The following TRIP4 variants were observed in gnomAD, a reference collection of about 807,000 sequenced individuals.
The protein encoded by TRIP4 is thyroid hormone receptor interactor 4.
TRIP4 carries 54 observed loss-of-function variants against 81.8 expected under a neutral mutation model. That is an observed-to-expected ratio of 0.66 (90% CI 0.53 to 0.83). The LOEUF (loss-of-function observed/expected upper bound fraction) is 0.83, where lower values mean the gene tolerates loss of function less well. Among genes scored for constraint, TRIP4 ranks in the 40% least tolerant of loss-of-function variants. The pLI is 0.00. For missense variants in TRIP4, 662 were observed against 683.6 expected, an observed-to-expected ratio of 0.97 and a Z score of 0.35; for synonymous variants, 270 against 242.8, an observed-to-expected ratio of 1.11 and a Z score of -1.04.
chr15:64,389,739 CT>C (rs1222434727), intron 1 of TRIP4, among the ~76,000 whole-genome samples: 2 of 112,344 alleles, frequency 1.8e-5, no homozygotes, highest in Non-Finnish European at 3.4e-5. Context: ...GAGACAGATT[CT>C]GTTGCCCAGG....
intron 11 of TRIP4, among the ~76,000 whole-genome samples, chr15:64,427,849 G>A (rs1892182514): frequency 6.6e-6 from 1 of 152,066 alleles, no homozygotes; most frequent in South Asian, 2.1e-4. Flanking sequence ...TCCAGACCTA[G>A]GCAAAACCAT....
intron 6 of TRIP4, 50 bp from the exon 7 acceptor site, chr15:64,409,563 C>A: frequency 6.5e-7 from 1 of 1,542,470 alleles, no homozygotes; most frequent in African/African-American, 1.4e-5. Context: ...AATAATCGGT[C>A]CTTATTTGTC....
intron 5 of TRIP4, among the ~76,000 whole-genome samples, chr15:64,404,572 A>G (rs897964259): frequency 1.3e-5 from 2 of 152,070 alleles, no homozygotes; most frequent in Non-Finnish European, 2.9e-5. Context: ...TGGCCTCCCA[A>G]AATGCTGGGA....
At chr15:64,392,157 G>C (rs1900152383) in intron 1 of TRIP4, among the ~76,000 whole-genome samples, 1 of 151,160 alleles carries the variant, frequency 6.6e-6, no homozygotes, top group African/African-American at 2.4e-5. Flanking sequence ...AATTAGCCGG[G>C]TGTGGTTGTG....
At chr15:64,412,489 A>G (rs926883869) in intron 7 of TRIP4, among the ~76,000 whole-genome samples, 2 of 151,804 alleles carry the variant, frequency 1.3e-5, no homozygotes, top group Non-Finnish European at 2.9e-5. Flanking sequence ...TAATTATTAC[A>G]TCCCCTCATG....
intron 11 of TRIP4, among the ~76,000 whole-genome samples, chr15:64,426,265 T>G (rs1440613460): frequency 2.6e-5 from 4 of 152,178 alleles, no homozygotes; most frequent in African/African-American, 4.8e-5. Flanking sequence ...GCTATTGAAC[T>G]CATGATAGGC....
rs1225823532 is a variant in TRIP4 at position 64,455,249 on chromosome 15, A to G, written c.*185A>G. On this transcript the variant is annotated 3_prime_UTR_variant, in exon 13 of 13. Coordinates refer to ENST00000261884, the MANE Select transcript of TRIP4 (RefSeq NM_016213.5). The stretch of plus-strand genomic sequence containing the variant: ...AGGAGTGGGATTCCTACTTTATGTA[A>G]TGGGGTCGAAATCTTTGAACACATT... 8.6e-6 allele frequency: 4 copies of G among 467,632 alleles called. No individual in the cohort carries two copies. Among genetic ancestry groups the G allele is most frequent in the Non-Finnish European group, 1.5e-5 (4 of 260,102 alleles). 29.0% of individuals were successfully genotyped at this position (467,632 alleles called of 1,614,324 possible). A position where few individuals can be genotyped will look rare whatever the true frequency, so the allele number is the denominator to read the frequency against.
intron 11 of TRIP4, among the ~76,000 whole-genome samples, chr15:64,432,418 A>G (rs1892298032): frequency 2.5e-5 from 2 of 80,306 alleles, no homozygotes; most frequent in Admixed American, 3.4e-4. Context: ...TCTTGAGACC[A>G]GCTTGACCAG....
At chr15:64,445,864 C>G (rs1016481193) in intron 12 of TRIP4, among the ~76,000 whole-genome samples, 1 of 152,084 alleles carries the variant, frequency 6.6e-6, no homozygotes, top group Non-Finnish European at 1.5e-5. Context: ...CATTAAAATG[C>G]TATTTGTCAG....
chr15:64,425,799 C>T (rs1482292794), intron 11 of TRIP4, among the ~76,000 whole-genome samples, 168 bp downstream of exon 11: 2 of 152,062 alleles, frequency 1.3e-5, no homozygotes, highest in African/African-American at 2.4e-5. Context: ...AAGCTGTTTC[C>T]AGGCCGGGCG....
chr15:64,405,858 G>A (rs1192370578), intron 5 of TRIP4, among the ~76,000 whole-genome samples: 1 of 152,120 alleles, frequency 6.6e-6, no homozygotes, highest in East Asian at 1.9e-4. Context: ...CAGACACAAT[G>A]GCATGTGCCT....
At chr15:64,442,263 G>A (rs150714512) in intron 11 of TRIP4, among the ~76,000 whole-genome samples, 1,923 of 152,158 alleles carry the variant, frequency 0.013, 14 homozygotes, top group Middle Eastern at 0.034. Context: ...GTTAAGGGCA[G>A]AAACAGACCA....
chr15:64,391,683 A>G (rs1900134579), intron 1 of TRIP4, among the ~76,000 whole-genome samples: 2 of 151,716 alleles, frequency 1.3e-5, no homozygotes, highest in African/African-American at 4.8e-5. Flanking sequence ...AAAATACTCC[A>G]GGGTTGGCCA....
At chr15:64,403,208 GTGCAGTGGCGCAATCTTGGCTGAC>G (rs1891551003) in intron 5 of TRIP4, among the ~76,000 whole-genome samples, 1 of 151,442 alleles carries the variant, frequency 6.6e-6, no homozygotes, top group Non-Finnish European at 1.5e-5. Context: ...CCGGGCTGGA[GTGCAGTGGCGCAATCTTGGCTGAC>G]TGCAACCTCT....
chr15:64,445,061 C>T lies in TRIP4; in HGVS notation c.1631C>T (p.Pro544Leu), dbSNP rs774346541. The T allele has an allele frequency of 8.7e-6, 14 of 1,606,602 alleles. No individual in the cohort carries two copies. The highest frequency in any genetic ancestry group is 1.7e-5 in the Admixed American group (1 of 59,196). Residue 544 changes from proline (P) to leucine (L), a missense_variant, in exon 12 of 13, where the codon CCT (proline) becomes CTT (leucine). Physicochemically the swap from Pro to Leu is moderately conservative, Grantham distance 98. Transcript: ENST00000261884. The stretch of plus-strand genomic sequence containing the variant: ...CCATTTGTTTTCATCTGCAAAAATC[C>T]TCAGGAAATGGTTGTGAAGTTTCCT... ...DSPFVFICKNPQEMVVKFPIK... is the reference protein window; with the variant it reads ...DSPFVFICKNLQEMVVKFPIK...
At chr15:64,446,874 G>A (rs890413865) in intron 12 of TRIP4, among the ~76,000 whole-genome samples, 4 of 151,702 alleles carry the variant, frequency 2.6e-5, no homozygotes, top group Non-Finnish European at 4.4e-5. Context: ...GGAGGCCGAG[G>A]CAAGTGGATC....
intron 11 of TRIP4, among the ~76,000 whole-genome samples, chr15:64,441,661 C>T (rs1892520842): frequency 6.6e-6 from 1 of 152,024 alleles, no homozygotes; most frequent in Admixed American, 6.6e-5. Flanking sequence ...TAGTCCCAGC[C>T]ACTCGGGAGG....
chr15:64,390,029 G>A (rs892576086), intron 1 of TRIP4, among the ~76,000 whole-genome samples: 4 of 147,146 alleles, frequency 2.7e-5, no homozygotes, highest in Non-Finnish European at 6.0e-5. Context: ...TTGTAAATAT[G>A]TGTAATATAT....
chr15:64,426,699 CAAAAAAAA>C (rs35662517), intron 11 of TRIP4, among the ~76,000 whole-genome samples: 1 of 77,022 alleles, frequency 1.3e-5, no homozygotes, highest in Non-Finnish European at 2.7e-5. Flanking sequence ...GACTCTGTCT[CAAAAAAAA>C]AAAAAAAAAA....
Sources: gnomAD v4.1 joint callset for allele counts (sites outside exome capture counted in the v4.1 genomes callset) on GRCh38, gnomAD v4.1.1 for gene constraint, MANE v1.5 for transcripts, NCBI Gene and HGNC (gene_info 2026-07-23, HGNC 2026-07-21) for gene names.